Variants in NOTCH4 observed in about 807,000 individuals in gnomAD.
NOTCH4 encodes the protein neurogenic locus notch homolog protein 4.
A neutral mutation model predicts 189.0 loss-of-function variants in NOTCH4; 138 were observed. The ratio of observed to expected loss-of-function variants is 0.73; its 90% confidence interval spans 0.64 to 0.84. NOTCH4 has a LOEUF of 0.84. Among genes scored for constraint, NOTCH4 ranks in the 40% least tolerant of loss-of-function variants. The pLI is 0.00. For synonymous variants in NOTCH4, 942 were observed against 1,032.8 expected (o/e 0.91, Z 1.69); for missense variants, 2,286 against 2,605.4 (o/e 0.88, Z 2.67).
At chr6:32,205,087 T>C (rs780328085) in intron 18 of NOTCH4, among the ~76,000 whole-genome samples, 16 of 152,160 alleles carry the variant, frequency 1.1e-4, no homozygotes, top group Non-Finnish European at 1.6e-4. Context: ...TGGCAAGATC[T>C]GTACCACGTG....
At chr6:32,197,260 C>G (rs1466968527) in intron 27 of NOTCH4, 39 bp downstream of exon 27, 1 of 1,514,924 alleles carries the variant, frequency 6.6e-7, no homozygotes, top group Non-Finnish European at 8.8e-7. Context: ...TACTTGTAAG[C>G]TCGCCCCATT....
chr6:32,212,911 G>C lies in NOTCH4; in HGVS notation c.2439C>G (p.Ser813Arg). ...EGKLRPSCADSPCRNRATCQD... is the reference protein window; with the variant it reads ...EGKLRPSCADRPCRNRATCQD... ...GGCAGGTTGCCCTATTCCTACAGGG[G>C]CTGAACAAGACAGAGACAGGGCATG... Residue 813 changes from serine to arginine, a missense_variant and splice_region_variant, in exon 16 of 30, where the codon AGC becomes AGG. Transcript: ENST00000375023. This position sits in a 1 kb window ranked among gnomAD's most constrained non-coding sequence, Gnocchi z 4.4. The C allele has an allele frequency of 6.4e-7, 1 of 1,564,196 alleles. No homozygotes were observed. The highest frequency in any genetic ancestry group is 8.7e-7 in the Non-Finnish European group (1 of 1,153,810).
At chr6:32,218,701 T>C (rs1218256647) in intron 8 of NOTCH4, among the ~76,000 whole-genome samples, 2 of 152,212 alleles carry the variant, frequency 1.3e-5, no homozygotes, top group African/African-American at 4.8e-5. Context: ...ATATCTACAA[T>C]GTTGTCCCTT....
Position 32,215,271 on chromosome 6 carries a change from G to T in NOTCH4, c.1976C>A (p.Ala659Asp), listed in dbSNP as rs752980956. The change falls in exon 12 of 30, where the codon GCC becomes GAC. Residue 659 changes from alanine (A) to aspartate (D), a missense_variant. Transcript: ENST00000375023. ...GCAGGTGCAGTTGTCCTCAGGTGGG[G>T]CACAGCCAGGGCTTCCATCAGGACA... The part of the protein sequence containing the change: ...CLCPDGSPGC[A>D]PPEDNCTCHH... The T allele has an allele frequency of 6.2e-7, 1 of 1,605,612 alleles. No homozygotes were observed. Among genetic ancestry groups the T allele is most frequent in the South Asian group, 1.1e-5 (1 of 89,280 alleles).
chr6:32,218,226 T>C, intron 8 of NOTCH4, 118 bp from the exon 9 acceptor site: 1 of 684,536 alleles, frequency 1.5e-6, no homozygotes. Context: ...CCCGAGGTGC[T>C]GTCTGCATGG....
At chr6:32,216,529 T>A in intron 11 of NOTCH4, 1 of 278,242 alleles carries the variant, frequency 3.6e-6, no homozygotes, top group East Asian at 9.6e-5. Flanking sequence ...CGTTTTTCTC[T>A]CAGAGCACCT....
intron 18 of NOTCH4, among the ~76,000 whole-genome samples, chr6:32,208,741 GA>G (rs1028238475): frequency 6.6e-6 from 1 of 151,868 alleles, no homozygotes; most frequent in African/African-American, 2.4e-5. Context: ...CTCAGAAAAG[GA>G]AAAAAAATGC....
At position 32,196,018 on chromosome 6, in the gene NOTCH4, T is replaced by G. The variant is rs1787881524; in HGVS notation, c.5431A>C (p.Asn1811His). Reference protein sequence around the residue: ...LAPADVAHQRNHWDLLTLLEG... With the variant: ...LAPADVAHQRHHWDLLTLLEG... ...AGCAGCGTCAGCAGATCCCAGTGGT[T>G]ACGTTGGTGAGCGACGTCCGCCGGC... The change falls in exon 30 of 30, where the codon AAC (asparagine) becomes CAC (histidine). Residue 1811 changes from asparagine (N) to histidine (H), a missense_variant. This residue lies in a region of NOTCH4 where 383 missense variants were observed against 343.5 expected (regional missense o/e 1.11). Transcript: ENST00000375023. 1 of 1,599,166 alleles carries G rather than the reference T, an allele frequency of 6.3e-7. No homozygotes were observed. The highest frequency in any genetic ancestry group is 8.5e-7 in the Non-Finnish European group (1 of 1,178,898).
In NOTCH4 at chr6:32,223,998, G is replaced by A; in HGVS notation, c.-70C>T. Reference sequence around the variant, plus strand: ...CAGGGACCCTCAGAGCTCTCACTGGGGCAGGAGCCACCTCCTCTGCTCCCA... The same window carrying A: ...CAGGGACCCTCAGAGCTCTCACTGGAGCAGGAGCCACCTCCTCTGCTCCCA... On this transcript the variant is annotated 5_prime_UTR_variant, in exon 1 of 30. Coordinates refer to ENST00000375023, the MANE Select transcript of NOTCH4 (RefSeq NM_004557.4). 6.8e-7 allele frequency: 1 copy of A among 1,472,692 alleles called. No individual in the cohort carries two copies. The highest frequency in any genetic ancestry group is 9.1e-7 in the Non-Finnish European group (1 of 1,103,380). 91.2% of individuals were successfully genotyped at this position (1,472,692 alleles called of 1,614,324 possible).
rs2127486691 is a variant in NOTCH4, at chr6:32,220,303, G to A, written c.1160-19C>T. The A allele has an allele frequency of 1.2e-6, 2 of 1,610,278 alleles. No individual in the cohort carries two copies. Among genetic ancestry groups the A allele is most frequent in the South Asian group, 1.1e-5 (1 of 90,972 alleles). The stretch of plus-strand genomic sequence containing the variant: ...AGGAGTCCTGGAGGGGTAAGAGGGG[G>A]TGAGGCTCTCAAAGGCCACTTGAAG... On this transcript the variant is annotated intron_variant, in intron 6 of 29. Transcript: ENST00000375023.
chr6:32,222,921 C>G, intron 2 of NOTCH4, 84 bp downstream of exon 2: 1 of 1,555,434 alleles, frequency 6.4e-7, no homozygotes, highest in Non-Finnish European at 8.9e-7. Flanking sequence ...TCTCTTTCTT[C>G]TTTGGTCTCA....
rs1232895208 is a variant in NOTCH4 at position 32,212,790 on chromosome 6, C to T, written c.2526+34G>A. ...CCCTGGTTTCCCTCCCAGCCACTTC[C>T]CTCCTCAGCACGCCTGACTTCAATG... On this transcript the variant is annotated intron_variant, in intron 16 of 29. Coordinates refer to ENST00000375023, the MANE Select transcript of NOTCH4 (RefSeq NM_004557.4). This position sits in a 1 kb window ranked among gnomAD's most constrained non-coding sequence, Gnocchi z 4.4. 14 of 1,487,304 alleles carry T rather than the reference C, an allele frequency of 9.4e-6. No individual in the cohort carries two copies. Among genetic ancestry groups the T allele is most frequent in the Non-Finnish European group, 1.3e-5 (14 of 1,112,316 alleles). The allele number at this position is 1,487,304 out of a possible 1,614,324, so 92.1% of individuals were successfully genotyped here.
Position 32,201,568 on chromosome 6 carries a change from A to T in NOTCH4, c.3756-68T>A. Reference sequence around the variant, plus strand: ...TGACTCTTTTCTTCACCCTAGAAAGAATTCCCCATATTTTGTGCCCTCTAG... The same window carrying T: ...TGACTCTTTTCTTCACCCTAGAAAGTATTCCCCATATTTTGTGCCCTCTAG... On this transcript the variant is annotated intron_variant, in intron 21 of 29. Coordinates refer to ENST00000375023, the MANE Select transcript of NOTCH4 (RefSeq NM_004557.4). The surrounding 1 kb of genome is among the most constrained non-coding windows in gnomAD (Gnocchi z 5.5). 9 of 1,414,626 alleles carry T rather than the reference A, an allele frequency of 6.4e-6. No individual in the cohort carries two copies. The highest frequency in any genetic ancestry group is 8.3e-6 in the Non-Finnish European group (9 of 1,082,428). 87.6% of individuals were successfully genotyped at this position (1,414,626 alleles called of 1,614,324 possible).
At chr6:32,196,266 CA>C in intron 29 of NOTCH4, 57 bp downstream of exon 29, 1 of 1,612,968 alleles carries the variant, frequency 6.2e-7, no homozygotes, top group African/African-American at 1.3e-5. Context: ...CGGGTTACCG[CA>C]CTTTCCATCT....
In NOTCH4 at chr6:32,199,364, C is replaced by T. The variant is rs573210370; in HGVS notation, c.4316-219G>A. ...GGTGGATCATATGAGGCCAGGAGTTCGAGACCAGCCTGGCCAACATGGCAA... is the reference window on the plus strand; with the variant it reads ...GGTGGATCATATGAGGCCAGGAGTTTGAGACCAGCCTGGCCAACATGGCAA... On this transcript the variant is annotated intron_variant, in intron 23 of 29. Coordinates refer to ENST00000375023, the MANE Select transcript of NOTCH4 (RefSeq NM_004557.4). The surrounding 1 kb of genome is among the most constrained non-coding windows in gnomAD (Gnocchi z 4.9). Among the ~76,000 whole-genome samples the T allele has an allele frequency of 3.3e-5, 5 of 152,164 alleles. No individual in the cohort carries two copies. The highest frequency in any genetic ancestry group is 7.2e-5 in the African/African-American group (3 of 41,516).
intron 12 of NOTCH4, 149 bp downstream of exon 12, chr6:32,215,077 C>T: frequency 2.9e-6 from 2 of 695,930 alleles, no homozygotes; most frequent in Non-Finnish European, 4.6e-6. Flanking sequence ...TTGAGCCCTC[C>T]CACTGCCTTG....
Position 32,212,315 on chromosome 6 carries a change from A to G in NOTCH4, c.2680+159T>C, listed in dbSNP as rs1346391659. On this transcript the variant is annotated intron_variant, in intron 17 of 29. Coordinates refer to ENST00000375023, the MANE Select transcript of NOTCH4 (RefSeq NM_004557.4). The surrounding 1 kb of genome is among the most constrained non-coding windows in gnomAD (Gnocchi z 4.4). ...TGTGTTAGGCTTCTCTGATTGCACA[A>G]TTCAACACCTCTGCAATCAAGAACT... Among the ~76,000 whole-genome samples, 4 of 152,146 alleles carry G rather than the reference A, an allele frequency of 2.6e-5. No homozygotes were observed. Among genetic ancestry groups the G allele is most frequent in the African/African-American group, 7.2e-5 (3 of 41,430 alleles).
In NOTCH4 at chr6:32,204,333, G is replaced by C. The variant is rs780465301; in HGVS notation, c.2922C>G (p.Ser974=). The change falls in exon 19 of 30, where the codon TCC becomes TCG. Residue 974 remains serine (S), a synonymous_variant. Transcript: ENST00000375023. ...AGGTTCCATGGTTGTGACAGGGTTGGGACTGACAAGCATCGAGTTCCTTTG... is the reference window on the plus strand; with the variant it reads ...AGGTTCCATGGTTGTGACAGGGTTGCGACTGACAAGCATCGAGTTCCTTTG... ...NCSKELDACQ[S]QPCHNHGTCT... is the part of the protein sequence containing the mutation. 1.2e-6 allele frequency: 2 copies of C among 1,613,078 alleles called. No homozygotes were observed. The highest frequency in any genetic ancestry group is 1.1e-5 in the South Asian group (1 of 91,084).
chr6:32,213,172 G>A lies in NOTCH4; in HGVS notation c.2401C>T (p.Arg801Cys), dbSNP rs369297005. 8 of 1,613,790 alleles carry A rather than the reference G, an allele frequency of 5.0e-6. No individual in the cohort carries two copies. The highest frequency in any genetic ancestry group is 4.0e-5 in the African/African-American group (3 of 74,890). Reference sequence around the variant, plus strand: ...CTGGGGCGGAGCTTTCCCTCACAGCGCGGGCCCTGGAAGCCCATGGCACAG... The same window carrying A: ...CTGGGGCGGAGCTTTCCCTCACAGCACGGGCCCTGGAAGCCCATGGCACAG... ...CLCAMGFQGP[R>C]CEGKLRPSCA... The change falls in exon 15 of 30, where the codon CGC (arginine) becomes TGC (cysteine). Residue 801 changes from arginine to cysteine, a missense_variant. By Grantham distance (180) the Arg-to-Cys change is radical. Transcript: ENST00000375023.
Sources: allele counts gnomAD v4.1 joint callset (sites outside exome capture counted in the v4.1 genomes callset), GRCh38; gene constraint gnomAD v4.1.1; regional missense constraint gnomAD v4.1.1; non-coding constraint Gnocchi (gnomAD v3.1); transcripts MANE v1.5; gene names NCBI Gene and HGNC (gene_info 2026-07-23, HGNC 2026-07-21).